Variants in CHCHD6 observed in about 807,000 individuals in gnomAD.
CHCHD6 encodes MICOS complex subunit MIC25.
CHCHD6 carries 28 observed loss-of-function variants against 32.3 expected under a neutral mutation model. That is an observed-to-expected ratio of 0.87 (90% confidence interval 0.64 to 1.19). The LOEUF is 1.19. Ranked by LOEUF, CHCHD6 falls within the 50% of genes most tolerant of loss-of-function variation. CHCHD6 has a pLI of 0.00. For missense variants in CHCHD6, 333 were observed against 307.0 expected, an observed-to-expected ratio of 1.08 and a Z score of -0.63; for synonymous variants, 122 against 117.5, an observed-to-expected ratio of 1.04 and a Z score of -0.25.
At chr3:126,827,666 C>T (rs1940455209) in intron 4 of CHCHD6, among the ~76,000 whole-genome samples, 1 of 152,158 alleles carries the variant, frequency 6.6e-6, no homozygotes, top group Admixed American at 6.5e-5. Context: ...GATCTTTCAC[C>T]ATGTGCCAAT....
intron 1 of CHCHD6, among the ~76,000 whole-genome samples, chr3:126,719,174 C>T (rs1218742441): frequency 1.3e-5 from 2 of 152,218 alleles, no homozygotes; most frequent in African/African-American, 2.4e-5. Context: ...ATCGTCTGGT[C>T]CCTTTCTTTT....
intron 4 of CHCHD6, among the ~76,000 whole-genome samples, chr3:126,839,690 C>CG (rs1190066764): frequency 2.6e-5 from 4 of 152,136 alleles, no homozygotes; most frequent in African/African-American, 9.7e-5. Flanking sequence ...ATTACTGCAT[C>CG]GGCTCTCTCA....
chr3:126,788,566 G>A (rs1938350494), intron 4 of CHCHD6, among the ~76,000 whole-genome samples: 1 of 152,154 alleles, frequency 6.6e-6, no homozygotes, highest in African/African-American at 2.4e-5. Context: ...GGGCCTATGT[G>A]TCCAGGAATT....
chr3:126,899,976 G>A (rs544556790), intron 5 of CHCHD6, among the ~76,000 whole-genome samples: 6 of 152,306 alleles, frequency 3.9e-5, no homozygotes, highest in East Asian at 3.9e-4. Flanking sequence ...TACAACCAGC[G>A]TGTCCTGATT....
At chr3:126,915,880 T>C (rs1408264555) in intron 6 of CHCHD6, among the ~76,000 whole-genome samples, 4 of 152,124 alleles carry the variant, frequency 2.6e-5, no homozygotes, top group Non-Finnish European at 5.9e-5. Context: ...AGCCTTGACC[T>C]CCTGGGCTTA....
At chr3:126,791,620 G>GT (rs1279893151) in intron 4 of CHCHD6, among the ~76,000 whole-genome samples, 2 of 152,144 alleles carry the variant, frequency 1.3e-5, no homozygotes, top group East Asian at 3.9e-4. Context: ...GACCTTTTTT[G>GT]TTTTTTGAGA....
intron 1 of CHCHD6, among the ~76,000 whole-genome samples, chr3:126,723,386 T>A (rs1485990974): frequency 6.6e-6 from 1 of 152,214 alleles, no homozygotes; most frequent in African/African-American, 2.4e-5. Context: ...TAAGCAGTTT[T>A]GTAGATTTCT....
At chr3:126,831,900 G>A (rs571664249) in intron 4 of CHCHD6, among the ~76,000 whole-genome samples, 5 of 152,330 alleles carry the variant, frequency 3.3e-5, no homozygotes, top group East Asian at 1.9e-4. Flanking sequence ...TGAGGAGTGC[G>A]AGGGGCTAAC....
At chr3:126,727,406 G>A (rs1235841815) in intron 2 of CHCHD6, among the ~76,000 whole-genome samples, 3 of 152,206 alleles carry the variant, frequency 2.0e-5, no homozygotes, top group African/African-American at 4.8e-5. Context: ...CCTTCCCTCT[G>A]TGCCACTTTC....
chr3:126,814,940 G>A (rs1271674199), intron 4 of CHCHD6, among the ~76,000 whole-genome samples: 1 of 152,178 alleles, frequency 6.6e-6, no homozygotes, highest in East Asian at 1.9e-4. Flanking sequence ...TTTCCAGGTA[G>A]GTAATGTTGG....
rs148466111 is a variant in CHCHD6 at position 126,713,329 on chromosome 3, C to T, written c.87+8930C>T. Among the ~76,000 whole-genome samples the T allele has an allele frequency of 8.5e-4, 129 of 152,286 alleles. 1 individual carries two copies. Among genetic ancestry groups the T allele is most frequent in the African/African-American group, 2.9e-3 (120 of 41,552 alleles). On this transcript the variant is annotated intron_variant, in intron 1 of 7. Transcript: ENST00000290913. ...AGCCCGTGACCAGCTTCTTGTGTCC[C>T]GGGGACTGTTCAGAGTTGAGGCTGA... is the stretch of plus-strand genomic sequence containing the variant.
chr3:126,894,260 G>T (rs1341635859), intron 5 of CHCHD6, among the ~76,000 whole-genome samples: 3 of 152,216 alleles, frequency 2.0e-5, no homozygotes, highest in Non-Finnish European at 2.9e-5. Flanking sequence ...GCCCCTTGGG[G>T]GCTGGTCCTT....
intron 4 of CHCHD6, among the ~76,000 whole-genome samples, chr3:126,744,685 C>T (rs540579224): frequency 6.6e-5 from 10 of 152,112 alleles, no homozygotes; most frequent in Non-Finnish European, 1.5e-4. Flanking sequence ...CAATCACTTC[C>T]TGTATTTTTT....
rs114430363 is a variant in CHCHD6 at position 126,757,940 on chromosome 3, A to G, written c.411+24718A>G. 7.1e-3 allele frequency among the ~76,000 whole-genome samples: 1,086 copies of G among 152,342 alleles called. 11 individuals carry two copies. Among genetic ancestry groups the G allele is most frequent in the African/African-American group, 0.025 (1,019 of 41,580 alleles). The stretch of plus-strand genomic sequence containing the variant: ...TAAACAAAACAAATCTGAAAGCTCA[A>G]TGTGGCCCAGTGCCCTACCAGATTA... On this transcript the variant is annotated intron_variant, in intron 4 of 7. Coordinates refer to ENST00000290913, the MANE Select transcript of CHCHD6 (RefSeq NM_032343.3).
intron 4 of CHCHD6, among the ~76,000 whole-genome samples, chr3:126,800,409 C>T (rs549526761): frequency 8.5e-5 from 13 of 152,150 alleles, no homozygotes; most frequent in African/African-American, 2.4e-4. Flanking sequence ...AGCTGGAACT[C>T]GGGCCTGCAG....
chr3:126,899,374 T>G (rs949005350), intron 5 of CHCHD6, among the ~76,000 whole-genome samples: 3 of 152,224 alleles, frequency 2.0e-5, no homozygotes, highest in Non-Finnish European at 4.4e-5. Context: ...ATAGTGAATG[T>G]GTTGAATGAT....
intron 4 of CHCHD6, among the ~76,000 whole-genome samples, chr3:126,768,088 C>A (rs965839992): frequency 2.6e-5 from 4 of 152,110 alleles, no homozygotes; most frequent in African/African-American, 9.7e-5. Context: ...GTGTCCCCGC[C>A]CAAATCTCAT....
intron 1 of CHCHD6, among the ~76,000 whole-genome samples, chr3:126,711,801 T>C (rs1170222822): frequency 2.0e-5 from 3 of 152,234 alleles, no homozygotes; most frequent in Admixed American, 1.3e-4. Flanking sequence ...ATTGCCAGCT[T>C]GGAAAGCCAG....
intron 4 of CHCHD6, 53 bp from the exon 5 acceptor site, chr3:126,852,594 C>T (rs751461840): frequency 2.2e-6 from 3 of 1,345,128 alleles, no homozygotes; most frequent in South Asian, 2.4e-5. Context: ...CCTGCAGCAC[C>T]ATTCCAGCAC....
Sources: gnomAD v4.1 joint callset for allele counts (sites outside exome capture counted in the v4.1 genomes callset) on GRCh38, gnomAD v4.1.1 for gene constraint, MANE v1.5 for transcripts, NCBI Gene and HGNC (gene_info 2026-07-23, HGNC 2026-07-21) for gene names.